Variants in ZNF77 observed in about 807,000 individuals in gnomAD.
ZNF77 encodes ZNFpT1.
In ZNF77, 15 loss-of-function variants were observed where a neutral mutation model predicts 13.5. The observed-to-expected ratio is 1.11, with a 90% CI of 0.74 to 1.71. ZNF77 has a LOEUF of 1.71. ZNF77 is among the 40% of genes most tolerant of loss of function. The pLI is 0.00. For synonymous variants in ZNF77, 282 were observed against 250.0 expected, an observed-to-expected ratio of 1.13 and a Z score of -1.21; for missense variants, 717 against 676.4, an observed-to-expected ratio of 1.06 and a Z score of -0.67.
intron 2 of ZNF77, among the ~76,000 whole-genome samples, 199 bp from the exon 3 acceptor site, chr19:2,936,903 A>G (rs1381703780): frequency 6.6e-6 from 1 of 152,184 alleles, no homozygotes; most frequent in Non-Finnish European, 1.5e-5. Context: ...AGCCGGGTGC[A>G]GTGGCTCATG....
intron 2 of ZNF77, among the ~76,000 whole-genome samples, chr19:2,937,672 A>AG (rs1032406754): frequency 6.2e-4 from 94 of 152,196 alleles, no homozygotes; most frequent in Non-Finnish European, 6.0e-4. Flanking sequence ...AGGACAGTGC[A>AG]GGGGGGTGCA....
Position 2,933,959 on chromosome 19 carries a change from C to T in ZNF77, c.1168G>A (p.Gly390Arg), listed in dbSNP as rs767198873. The T allele has an allele frequency of 6.4e-5, 104 of 1,612,688 alleles. No individual in the cohort carries two copies. The highest frequency in any genetic ancestry group is 2.8e-4 in the Admixed American group (17 of 59,858). Residue 390 changes from glycine to arginine, a missense_variant, in exon 4 of 4, where the codon GGA becomes AGA. Gly to Arg is a moderately radical substitution (Grantham distance 125). Coordinates refer to ENST00000314531, the MANE Select transcript of ZNF77 (RefSeq NM_021217.3). Reference sequence around the variant, plus strand: ...TGTCTTCTAAAGTAAGTGGGACATCCGAAGGCCTTCCCACACTGCTTGCAC... The same window carrying T: ...TGTCTTCTAAAGTAAGTGGGACATCTGAAGGCCTTCCCACACTGCTTGCAC... ...YVCKQCGKAF[G>R]CPTYFRRHVK... is the part of the protein sequence containing the mutation.
intron 2 of ZNF77, 67 bp from the exon 3 acceptor site, chr19:2,936,771 G>A (rs932756108): frequency 1.5e-5 from 21 of 1,448,254 alleles, no homozygotes; most frequent in African/African-American, 1.0e-4. Flanking sequence ...GACCACATAC[G>A]GATTTCTTTT....
chr19:2,944,710 G>A (rs942022154), intron 1 of ZNF77, 128 bp downstream of exon 1: 5 of 1,317,296 alleles, frequency 3.8e-6, no homozygotes, highest in Non-Finnish European at 4.0e-6. Flanking sequence ...CGTCCCCGGG[G>A]CCCAGGCGCT....
chr19:2,934,171 G>C lies in ZNF77; in HGVS notation c.956C>G (p.Thr319Ser). 6.2e-7 allele frequency: 1 copy of C among 1,614,152 alleles called. No individual in the cohort carries two copies. The highest frequency in any genetic ancestry group is 8.5e-7 in the Non-Finnish European group (1 of 1,180,014). The change falls in exon 4 of 4, where the codon ACT becomes AGT. Residue 319 changes from threonine (T) to serine (S), a missense_variant. Coordinates refer to ENST00000314531, the MANE Select transcript of ZNF77 (RefSeq NM_021217.3). Reference sequence around the variant, plus strand: ...TTTACACTGACAGGGTTTCTCTCCAGTGTGCGTCCTCACGTGATCTCTAAA... The same window carrying C: ...TTTACACTGACAGGGTTTCTCTCCACTGTGCGTCCTCACGTGATCTCTAAA... ...SSFRDHVRTH[T>S]GEKPCQCKHC... is the part of the protein sequence containing the mutation.
intron 2 of ZNF77, among the ~76,000 whole-genome samples, chr19:2,937,668 G>A (rs1023641866): frequency 6.6e-6 from 1 of 152,160 alleles, no homozygotes; most frequent in Non-Finnish European, 1.5e-5. Context: ...AAGGAGGACA[G>A]TGCAGGGGGG....
intron 3 of ZNF77, among the ~76,000 whole-genome samples, chr19:2,935,744 C>T (rs1477024232): frequency 2.0e-5 from 3 of 152,076 alleles, no homozygotes; most frequent in Admixed American, 6.6e-5. Flanking sequence ...CAGCCAGGGA[C>T]GGTGAATCAC....
In ZNF77 at chr19:2,934,276, C is replaced by T. The variant is rs773510534; in HGVS notation, c.851G>A (p.Arg284Gln). The change falls in exon 4 of 4, where the codon CGA becomes CAA. Residue 284 changes from arginine to glutamine, a missense_variant. Transcript: ENST00000314531. ...TCCAGTGTGTGTTCTGACATGTTCT[C>T]GAAAGTATGAGGGACAGCTGAAGGC... ...GKAFSCPSYF[R>Q]EHVRTHTGEK... is the part of the protein sequence containing the mutation. The T allele has an allele frequency of 1.4e-5, 23 of 1,613,312 alleles. No homozygotes were observed. Among genetic ancestry groups the T allele is most frequent in the East Asian group, 4.5e-5 (2 of 44,882 alleles).
intron 2 of ZNF77, 57 bp from the exon 3 acceptor site, chr19:2,936,761 G>A: frequency 1.3e-6 from 2 of 1,482,264 alleles, no homozygotes; most frequent in South Asian, 2.5e-5. Context: ...AAAGGAAATA[G>A]ACCACATACG....
chr19:2,938,863 G>C (rs1355801617), intron 2 of ZNF77, among the ~76,000 whole-genome samples: 1 of 152,044 alleles, frequency 6.6e-6, no homozygotes, highest in Admixed American at 6.6e-5. Context: ...GGCTGAGGCA[G>C]GAGAATGGCA....
chr19:2,942,124 T>C (rs1387695793), intron 1 of ZNF77, among the ~76,000 whole-genome samples: 1 of 150,810 alleles, frequency 6.6e-6, no homozygotes, highest in Non-Finnish European at 1.5e-5. Flanking sequence ...CAGGCTGGAG[T>C]GCAGTGAAAC....
At position 2,934,488 on chromosome 19, in the gene ZNF77, T is replaced by C. The variant is rs1054505667; in HGVS notation, c.639A>G (p.Glu213=). 2.5e-6 allele frequency: 4 copies of C among 1,614,214 alleles called. No homozygotes were observed. Among genetic ancestry groups the C allele is most frequent in the Non-Finnish European group, 3.4e-6 (4 of 1,180,036 alleles). The change falls in exon 4 of 4, where the codon GAA becomes GAG. Residue 213 remains glutamate (E), a synonymous_variant. Coordinates refer to ENST00000314531, the MANE Select transcript of ZNF77 (RefSeq NM_021217.3). ...TGAAAGCTTTTCCACATTTCTGACATTCATAAGACTTTTTACTGCTGAGAC... is the reference window on the plus strand; with the variant it reads ...TGAAAGCTTTTCCACATTTCTGACACTCATAAGACTTTTTACTGCTGAGAC... ...VKSLSSKKSY[E]CQKCGKAFIC... is the part of the protein sequence containing the mutation.
At position 2,943,555 on chromosome 19, in the gene ZNF77, C is replaced by G. The variant is rs76771646; in HGVS notation, c.3+1283G>C. Reference sequence around the variant, plus strand: ...GGTACATTTACTGTCAACCTCCTTTCTGCTTGTCCCCTAAAACGTTCCTCC... The same window carrying G: ...GGTACATTTACTGTCAACCTCCTTTGTGCTTGTCCCCTAAAACGTTCCTCC... On this transcript the variant is annotated intron_variant, in intron 1 of 3. Coordinates refer to ENST00000314531, the MANE Select transcript of ZNF77 (RefSeq NM_021217.3). Among the ~76,000 whole-genome samples the G allele has an allele frequency of 5.9e-3, 902 of 151,992 alleles. 12 individuals are homozygous for G. The highest frequency in any genetic ancestry group is 0.02 in the African/African-American group (841 of 41,488).
Position 2,933,893 on chromosome 19 carries a change from C to G in ZNF77, c.1234G>C (p.Glu412Gln). 1 of 1,613,000 alleles carries G rather than the reference C, an allele frequency of 6.2e-7. No individual in the cohort carries two copies. Among genetic ancestry groups the G allele is most frequent in the Non-Finnish European group, 8.5e-7 (1 of 1,179,748 alleles). Residue 412 changes from glutamate to glutamine, a missense_variant, in exon 4 of 4, where the codon GAG becomes CAG. By Grantham distance (29) the Glu-to-Gln change is conservative. Coordinates refer to ENST00000314531, the MANE Select transcript of ZNF77 (RefSeq NM_021217.3). ...HSGVKPYQCK[E>Q]CGKAYSFSSS... ...GAAAAACTGTAGGCTTTCCCACACT[C>G]TTTACATTGATAGGGCTTCACCCCG...
rs532529842 is a variant in ZNF77, at chr19:2,940,534, G to A, written c.4-1127C>T. Among the ~76,000 whole-genome samples the A allele has an allele frequency of 9.9e-5, 15 of 152,156 alleles. No individual in the cohort carries two copies. The South Asian group carries it at 1.5e-3, about 15-fold the overall frequency. On this transcript the variant is annotated intron_variant, in intron 1 of 3. Coordinates refer to ENST00000314531, the MANE Select transcript of ZNF77 (RefSeq NM_021217.3). ...CTAAAAATACAAAAATTAGCTGGGC[G>A]TGGTGGCACACGCCTGTAGTCTCAG...
At chr19:2,942,370 C>CTTTT (rs71179937) in intron 1 of ZNF77, among the ~76,000 whole-genome samples, 8 of 102,050 alleles carry the variant, frequency 7.8e-5, no homozygotes, top group South Asian at 3.4e-4. Context: ...GCGCCCGGCT[C>CTTTT]TTTTTTTTTT....
chr19:2,944,477 G>A (rs907196885), intron 1 of ZNF77, among the ~76,000 whole-genome samples: 6 of 146,182 alleles, frequency 4.1e-5, no homozygotes, highest in Middle Eastern at 3.8e-3. Flanking sequence ...CCAAACTGCC[G>A]CCGAGCCCCT....
chr19:2,943,952 C>T (rs1055355094), intron 1 of ZNF77, among the ~76,000 whole-genome samples: 1 of 151,882 alleles, frequency 6.6e-6, no homozygotes, highest in Non-Finnish European at 1.5e-5. Flanking sequence ...TCAGGTGATC[C>T]GCCCGCCTCG....
intron 1 of ZNF77, among the ~76,000 whole-genome samples, chr19:2,943,840 G>C (rs946427870): frequency 1.8e-4 from 28 of 151,598 alleles, no homozygotes; most frequent in African/African-American, 6.3e-4. Context: ...CTCCCTGGTA[G>C]CTGGGATTGC....
Sources: allele counts gnomAD v4.1 joint callset (sites outside exome capture counted in the v4.1 genomes callset), GRCh38; gene constraint gnomAD v4.1.1; transcripts MANE v1.5; gene names NCBI Gene and HGNC (gene_info 2026-07-23, HGNC 2026-07-21).